The following SYNJ2 variants were observed in gnomAD, a reference collection of about 807,000 sequenced individuals.
SYNJ2 encodes the protein synaptojanin 2.
Under a neutral mutation model 141.3 loss-of-function variants are expected in SYNJ2, and 116 were observed. The observed-to-expected ratio is 0.82, with a 90% CI of 0.71 to 0.96. The LOEUF is 0.96. Ranked by LOEUF, SYNJ2 falls within the 40% of genes least tolerant of loss-of-function variation. The pLI is 0.00. For missense variants in SYNJ2, 1,873 were observed against 1,934.8 expected (o/e 0.97, Z 0.60); for synonymous variants, 745 against 777.7 (o/e 0.96, Z 0.70).
chr6:158,030,754 G>A (rs989096953), intron 3 of SYNJ2: 4 of 152,190 alleles, frequency 2.6e-5, no homozygotes, highest in Non-Finnish European at 5.9e-5. Flanking sequence ...AATTAGCCAG[G>A]TGTGGTGGCG....
At chr6:158,033,764 G>T (rs1779498645) in intron 4 of SYNJ2, 84 bp downstream of exon 4, 32 of 1,388,656 alleles carry the variant, frequency 2.3e-5, no homozygotes, top group Non-Finnish European at 3.0e-5. Flanking sequence ...TGGGGCAGAA[G>T]AGGCCCTGGC....
At chr6:158,020,146 C>T (rs1315830000) in intron 2 of SYNJ2, among the ~76,000 whole-genome samples, 1 of 136,050 alleles carries the variant, frequency 7.4e-6, no homozygotes, top group Non-Finnish European at 1.6e-5. Context: ...GTGACTCCAA[C>T]TGTGACTCCA....
chr6:158,014,167 A>C (rs560117004), intron 1 of SYNJ2, among the ~76,000 whole-genome samples: 1 of 152,230 alleles, frequency 6.6e-6, no homozygotes, highest in Non-Finnish European at 1.5e-5. Context: ...TTTGTATTTC[A>C]TGATTTCGCC....
chr6:157,997,962 AG>A (rs1276814519), intron 1 of SYNJ2, among the ~76,000 whole-genome samples: 1 of 152,250 alleles, frequency 6.6e-6, no homozygotes, highest in Non-Finnish European at 1.5e-5. Context: ...GGTCAGAGAA[AG>A]GTAAGGGTGG....
At chr6:158,094,029 G>A (rs375114761) in intron 26 of SYNJ2, 29 of 763,998 alleles carry the variant, frequency 3.8e-5, no homozygotes, top group African/African-American at 1.7e-4. Flanking sequence ...TTCTAGTAAC[G>A]GACCCTCGGT....
At chr6:158,087,402 G>T (rs1462431376) in intron 23 of SYNJ2, among the ~76,000 whole-genome samples, 2 of 152,108 alleles carry the variant, frequency 1.3e-5, no homozygotes, top group Non-Finnish European at 2.9e-5. Context: ...GAGGTGACCT[G>T]GTCACCCCTC....
chr6:158,089,968 A>G, intron 25 of SYNJ2, 21 bp downstream of exon 25: 3 of 1,565,580 alleles, frequency 1.9e-6, no homozygotes, highest in Non-Finnish European at 2.6e-6. Context: ...TCCTGGGGGC[A>G]GGGGAAAAAC....
chr6:158,081,390 C>T (rs1012698599), intron 19 of SYNJ2, 42 bp from the exon 20 acceptor site: 5 of 1,613,232 alleles, frequency 3.1e-6, no homozygotes, highest in Non-Finnish European at 3.4e-6. Context: ...TGAGAGCTGC[C>T]AGGTCGTTCT....
chr6:158,033,719 G>C, intron 4 of SYNJ2, 39 bp downstream of exon 4: 2 of 1,572,896 alleles, frequency 1.3e-6, no homozygotes, highest in Non-Finnish European at 1.7e-6. Context: ...AAATGGTTCC[G>C]AGTGGCTGCA....
In SYNJ2 at chr6:158,070,300, G is replaced by T; in HGVS notation, c.1940+627G>T. ...GCCTTTCGGCGAGCTGGCAGCAGGC[G>T]TTGAACTGACCTCCCCACTGAGCCC... On this transcript the variant is annotated intron_variant, in intron 14 of 26. Transcript: ENST00000355585. This position sits in a 1 kb window ranked among gnomAD's most constrained non-coding sequence, Gnocchi z 4.0. 1 of 985,566 alleles carries T rather than the reference G, an allele frequency of 1.0e-6. No homozygotes were observed. The highest frequency in any genetic ancestry group is 1.2e-6 in the Non-Finnish European group (1 of 830,076). The allele number at this position is 985,566 out of a possible 1,614,324, so 61.1% of individuals were successfully genotyped here.
In SYNJ2 at chr6:158,084,131, G is replaced by A; in HGVS notation, c.3165G>A (p.Lys1055=). 1 of 1,614,166 alleles carries A rather than the reference G, an allele frequency of 6.2e-7. No homozygotes were observed. Among genetic ancestry groups the A allele is most frequent in the South Asian group, 1.1e-5 (1 of 91,090 alleles). The change falls in exon 22 of 27, where the codon AAG becomes AAA. Residue 1055 remains lysine (K), a synonymous_variant. Coordinates refer to ENST00000355585, the MANE Select transcript of SYNJ2 (RefSeq NM_003898.4). This position sits in a 1 kb window ranked among gnomAD's most constrained non-coding sequence, Gnocchi z 5.0. The part of the protein sequence containing the change: ...PGPTALAPPS[K]SPALTKKKQH... ...CCACAGCACTGGCTCCTCCCAGCAA[G>A]TCACCTGCTCTCACCAAAAAGAAGC... is the stretch of plus-strand genomic sequence containing the variant.
At chr6:157,997,035 C>CT (rs1777660979) in intron 1 of SYNJ2, among the ~76,000 whole-genome samples, 1 of 145,352 alleles carries the variant, frequency 6.9e-6, no homozygotes, top group African/African-American at 2.7e-5. Context: ...CCACCCCCCC[C>CT]CACCCAGCTT....
chr6:158,044,754 C>G (rs1485367496), intron 5 of SYNJ2, among the ~76,000 whole-genome samples: 1 of 152,208 alleles, frequency 6.6e-6, no homozygotes, highest in Admixed American at 6.5e-5. Flanking sequence ...TTAGTGGTCT[C>G]TCCCATCCCC....
At chr6:158,017,931 G>T (rs1456521317) in intron 2 of SYNJ2, 2 of 384,286 alleles carry the variant, frequency 5.2e-6, no homozygotes, top group Non-Finnish European at 1.1e-5. Flanking sequence ...CTGGTCTGGG[G>T]CTTCTGCCCA....
intron 1 of SYNJ2, among the ~76,000 whole-genome samples, chr6:157,990,050 G>A (rs563820156): frequency 1.6e-4 from 24 of 152,316 alleles, no homozygotes; most frequent in Admixed American, 4.6e-4. Context: ...TGTGGGCTGC[G>A]CCGTCTGTGC....
intron 18 of SYNJ2, chr6:158,079,332 A>T (rs1208980905): frequency 6.6e-6 from 1 of 152,128 alleles, no homozygotes; most frequent in Non-Finnish European, 1.5e-5. Context: ...CAACTTTTAC[A>T]AGGAAAGAAA....
chr6:158,071,849 GTGA>G lies in SYNJ2; in HGVS notation c.2133+56_2133+58del. 1 of 1,574,360 alleles carries G rather than the reference GTGA, an allele frequency of 6.4e-7. No homozygotes were observed. Among genetic ancestry groups the G allele is most frequent in the Admixed American group, 1.8e-5 (1 of 57,094 alleles). ...CTCCCTGCTCAGCTCAGTCCCAAAT[GTGA>G]CTGTTGATAGGAGCCAGGCACTGGG... On this transcript the variant is annotated intron_variant, in intron 15 of 26. Coordinates refer to ENST00000355585, the MANE Select transcript of SYNJ2 (RefSeq NM_003898.4). This position sits in a 1 kb window ranked among gnomAD's most constrained non-coding sequence, Gnocchi z 4.3.
At position 158,096,523 on chromosome 6, in the gene SYNJ2, T is replaced by A; in HGVS notation, c.*159T>A. 1 of 762,398 alleles carries A rather than the reference T, an allele frequency of 1.3e-6. No homozygotes were observed. 47.2% of individuals were successfully genotyped at this position (762,398 alleles called of 1,614,324 possible). On this transcript the variant is annotated 3_prime_UTR_variant, in exon 27 of 27. Coordinates refer to ENST00000355585, the MANE Select transcript of SYNJ2 (RefSeq NM_003898.4). ...TACAAAAATCGTGTCTCTTATTCAG[T>A]AAGATGGTTACTCAGCCACCAAAAT...
chr6:158,052,485 G>A (rs1168261564), intron 5 of SYNJ2, among the ~76,000 whole-genome samples: 2 of 152,222 alleles, frequency 1.3e-5, no homozygotes, highest in Admixed American at 1.3e-4. Context: ...AGGAAGCATG[G>A]TGCCAGCATC....
Sources: gnomAD v4.1 joint callset for allele counts (sites outside exome capture counted in the v4.1 genomes callset) on GRCh38, gnomAD v4.1.1 for gene constraint, Gnocchi (gnomAD v3.1) non-coding constraint, MANE v1.5 for transcripts, NCBI Gene and HGNC (gene_info 2026-07-23, HGNC 2026-07-21) for gene names.